Variants in FHIT observed in about 807,000 individuals in gnomAD.
FHIT encodes the protein fragile histidine triad diadenosine triphosphatase.
Under a neutral mutation model 17.9 loss-of-function variants are expected in FHIT, and 19 were observed. That is an observed-to-expected ratio of 1.06 (90% confidence interval 0.74 to 1.56). The LOEUF is 1.56. FHIT is among the 40% of genes most tolerant of loss of function. The pLI is 0.00. For missense variants in FHIT, 248 were observed against 189.2 expected (o/e 1.31, Z -1.82); for synonymous variants, 81 against 69.7 (o/e 1.16, Z -0.81).
At chr3:60,409,059 A>G (rs555484667) in intron 5 of FHIT, among the ~76,000 whole-genome samples, 1 of 152,072 alleles carries the variant, frequency 6.6e-6, no homozygotes, top group Non-Finnish European at 1.5e-5. Context: ...CTTACTATTT[A>G]TTTGATCCTC....
At chr3:60,247,558 T>G (rs959799732) in intron 5 of FHIT, among the ~76,000 whole-genome samples, 4 of 152,172 alleles carry the variant, frequency 2.6e-5, no homozygotes, top group Non-Finnish European at 5.9e-5. Context: ...TTGGCATTCT[T>G]GCTCAAAAAC....
At chr3:61,162,125 C>A (rs1413804754) in intron 2 of FHIT, among the ~76,000 whole-genome samples, 2 of 152,114 alleles carry the variant, frequency 1.3e-5, no homozygotes, top group East Asian at 3.9e-4. Context: ...GTTAATTGAC[C>A]AAATGATTAT....
intron 8 of FHIT, among the ~76,000 whole-genome samples, chr3:59,765,953 G>C (rs993926358): frequency 6.6e-6 from 1 of 152,066 alleles, no homozygotes; most frequent in Non-Finnish European, 1.5e-5. Context: ...CAATATATTA[G>C]TTTAAAAAAA....
chr3:60,443,124 G>T (rs1466599594), intron 5 of FHIT, among the ~76,000 whole-genome samples: 6 of 152,138 alleles, frequency 3.9e-5, no homozygotes, highest in Non-Finnish European at 2.9e-5. Flanking sequence ...CATTGATTTT[G>T]TATCCTGAGA....
At chr3:59,956,159 G>C (rs1366928353) in intron 7 of FHIT, among the ~76,000 whole-genome samples, 2 of 152,086 alleles carry the variant, frequency 1.3e-5, no homozygotes, top group Admixed American at 1.3e-4. Context: ...GTGTTGCTCA[G>C]GTCTTTAGTC....
chr3:60,270,259 T>A (rs1331664072), intron 5 of FHIT, among the ~76,000 whole-genome samples: 1 of 152,202 alleles, frequency 6.6e-6, no homozygotes, highest in Non-Finnish European at 1.5e-5. Flanking sequence ...CTGCAGTTCT[T>A]GCTTGCCTCC....
intron 8 of FHIT, among the ~76,000 whole-genome samples, chr3:59,912,676 A>G (rs1411065508): frequency 6.6e-6 from 1 of 152,206 alleles, no homozygotes; most frequent in Non-Finnish European, 1.5e-5. Context: ...ACTAGAAGAA[A>G]CAATTTTTTA....
At chr3:60,117,162 T>A (rs539953168) in intron 5 of FHIT, among the ~76,000 whole-genome samples, 1 of 152,138 alleles carries the variant, frequency 6.6e-6, no homozygotes, top group South Asian at 2.1e-4. Context: ...AAATGGCTGA[T>A]AAGATTTCCA....
chr3:61,088,942 T>C (rs369014496), intron 2 of FHIT, among the ~76,000 whole-genome samples: 4 of 152,062 alleles, frequency 2.6e-5, no homozygotes, highest in Non-Finnish European at 5.9e-5. Context: ...GTCATGGACA[T>C]TGGGGAATAT....
At chr3:60,030,920 T>G (rs1456152508) in intron 5 of FHIT, among the ~76,000 whole-genome samples, 1 of 152,270 alleles carries the variant, frequency 6.6e-6, no homozygotes, top group East Asian at 1.9e-4. Context: ...ATTTTCTTAA[T>G]GTTTTATAAC....
At chr3:61,021,411 A>G (rs1295297615) in intron 3 of FHIT, among the ~76,000 whole-genome samples, 4 of 144,962 alleles carry the variant, frequency 2.8e-5, no homozygotes. Flanking sequence ...CATCCCAGCT[A>G]AAACGGTGAA....
At chr3:60,049,502 A>C (rs1701787818) in intron 5 of FHIT, among the ~76,000 whole-genome samples, 1 of 152,192 alleles carries the variant, frequency 6.6e-6, no homozygotes, top group South Asian at 2.1e-4. Context: ...ATATGAATCA[A>C]TCAGTTCCAA....
intron 8 of FHIT, among the ~76,000 whole-genome samples, chr3:59,770,545 T>G (rs1702027732): frequency 6.6e-6 from 1 of 152,120 alleles, no homozygotes; most frequent in Non-Finnish European, 1.5e-5. Context: ...AGCAGTGAAG[T>G]GGACACACTG....
intron 9 of FHIT, chr3:59,750,869 G>A (rs749833282): frequency 4.9e-6 from 1 of 202,102 alleles, no homozygotes; most frequent in African/African-American, 2.3e-5. Flanking sequence ...TGATCACTAA[G>A]TGGTTGATAC....
At chr3:61,156,747 C>A (rs1471158732) in intron 2 of FHIT, among the ~76,000 whole-genome samples, 1 of 152,196 alleles carries the variant, frequency 6.6e-6, no homozygotes, top group Non-Finnish European at 1.5e-5. Flanking sequence ...TCATTAACAT[C>A]TTTCTGTAAT....
intron 5 of FHIT, among the ~76,000 whole-genome samples, chr3:60,496,775 A>G (rs1024758452): frequency 2.0e-5 from 3 of 152,202 alleles, no homozygotes; most frequent in Admixed American, 6.5e-5. Context: ...CTCAGGGACT[A>G]GAATACAATA....
intron 5 of FHIT, among the ~76,000 whole-genome samples, chr3:60,097,024 T>TTAAAA (rs772800549): frequency 3.9e-5 from 5 of 127,232 alleles, no homozygotes; most frequent in African/African-American, 8.7e-5. Context: ...CTGTTATTAT[T>TTAAAA]AAAAAAAAAA....
intron 7 of FHIT, among the ~76,000 whole-genome samples, chr3:59,970,397 C>T (rs926565415): frequency 6.6e-6 from 1 of 152,114 alleles, no homozygotes; most frequent in African/African-American, 2.4e-5. Context: ...TTGGTGTTGA[C>T]TGAACACAAA....
chr3:60,521,523 A>T (rs1200935097), intron 5 of FHIT, among the ~76,000 whole-genome samples: 1 of 152,186 alleles, frequency 6.6e-6, no homozygotes, highest in African/African-American at 2.4e-5. Context: ...CTGGGATTAC[A>T]GGCATGAGCC....
Sources: gnomAD v4.1 joint callset for allele counts (sites outside exome capture counted in the v4.1 genomes callset) on GRCh38, gnomAD v4.1.1 for gene constraint, MANE v1.5 for transcripts, NCBI Gene and HGNC (gene_info 2026-07-23, HGNC 2026-07-21) for gene names.